MAML3: variants seen among roughly 807,000 people sequenced by gnomAD.
MAML3 encodes mastermind-like protein 3.
A neutral mutation model predicts 101.9 loss-of-function variants in MAML3; 27 were observed. The observed-to-expected ratio is 0.27, with a 90% CI of 0.20 to 0.37. MAML3 has a LOEUF of 0.37. Among genes scored for constraint, MAML3 ranks in the 10% least tolerant of loss-of-function variants. The probability of loss-of-function intolerance (pLI) is 1.00; values close to 1 mark genes in which losing one functional copy is unlikely to be tolerated. For missense variants in MAML3, 1,316 were observed against 1,444.9 expected (o/e 0.91, Z 1.45); for synonymous variants, 501 against 555.9 (o/e 0.90, Z 1.39).
chr4:139,935,657 G>T lies in MAML3; in HGVS notation c.469-44690C>A, dbSNP rs1474977320. On this transcript the variant is annotated intron_variant, in intron 1 of 4. Coordinates refer to ENST00000509479, the MANE Select transcript of MAML3 (RefSeq NM_018717.5). ...AGGGTTTTTTTGTTTTTTTTTTTTG[G>T]TTTGGTTTTTGCTTGTTGTGGGGTT... Among the ~76,000 whole-genome samples the T allele has an allele frequency of 8.9e-5, 13 of 146,040 alleles. No homozygotes were observed. In the East Asian group the frequency reaches 1.8e-3, roughly 20 times the overall value.
rs1359519319 is a variant in MAML3 at position 140,011,240 on chromosome 4, A to ATATG, written c.469-120274_469-120273insCATA. Among the ~76,000 whole-genome samples the ATATG allele has an allele frequency of 2.9e-4, 41 of 143,690 alleles. 1 individual carries two copies. The highest frequency in any genetic ancestry group is 1.0e-3 in the African/African-American group (41 of 40,178). The allele number at this position is 143,690 out of a possible 152,430, so 94.3% of individuals were successfully genotyped here. A position where few individuals can be genotyped will look rare whatever the true frequency, so the allele number is the denominator to read the frequency against. ...TTATATATATAAAGTGTGCATATAT[A>ATATG]TATATATATATATGACAAACAGACC... On this transcript the variant is annotated intron_variant, in intron 1 of 4. Transcript: ENST00000509479.
chr4:139,813,627 T>G (rs1408468413), intron 2 of MAML3, among the ~76,000 whole-genome samples: 1 of 152,138 alleles, frequency 6.6e-6, no homozygotes, highest in Non-Finnish European at 1.5e-5. Context: ...ATGTACCCTT[T>G]CTCAGGCAGT....
At chr4:140,091,787 G>A (rs1165910240) in intron 1 of MAML3, among the ~76,000 whole-genome samples, 1 of 151,898 alleles carries the variant, frequency 6.6e-6, no homozygotes, top group African/African-American at 2.4e-5. Flanking sequence ...CCAGAACAGG[G>A]TTCAAATGGC....
At chr4:139,748,055 A>G (rs1729384062) in intron 2 of MAML3, among the ~76,000 whole-genome samples, 1 of 8,410 alleles carries the variant, frequency 1.2e-4, no homozygotes, top group East Asian at 2.1e-3. Flanking sequence ...ACTTCGTCTA[A>G]AAAAAAAAAA....
chr4:139,735,377 G>C lies in MAML3; in HGVS notation c.2080-4710C>G, dbSNP rs886796578. On this transcript the variant is annotated intron_variant, in intron 2 of 4. Transcript: ENST00000509479. This position sits in a 1 kb window ranked among gnomAD's most constrained non-coding sequence, Gnocchi z 5.8. The stretch of plus-strand genomic sequence containing the variant: ...TACCGACTTTTCTTCCAGCCGGAGG[G>C]GAGGAAGAATTCAAGTGGGGGAGGG... Among the ~76,000 whole-genome samples, 4 of 152,106 alleles carry C rather than the reference G, an allele frequency of 2.6e-5. No homozygotes were observed. The highest frequency in any genetic ancestry group is 9.7e-5 in the African/African-American group (4 of 41,424).
chr4:139,804,902 G>A (rs1302616167), intron 2 of MAML3, among the ~76,000 whole-genome samples: 1 of 152,124 alleles, frequency 6.6e-6, no homozygotes, highest in Non-Finnish European at 1.5e-5. Flanking sequence ...AATGATGCTG[G>A]GCGCGATGGC....
chr4:140,099,089 A>C (rs1046053151), intron 1 of MAML3, among the ~76,000 whole-genome samples: 19 of 152,220 alleles, frequency 1.2e-4, no homozygotes, highest in Non-Finnish European at 2.5e-4. Flanking sequence ...TTATGCACAA[A>C]AAAATAAGGA....
In MAML3 at chr4:140,153,007, G is replaced by A. The variant is rs1393033810; in HGVS notation, c.321C>T (p.Arg107=). 2.3e-5 allele frequency: 37 copies of A among 1,605,670 alleles called. No homozygotes were observed. The highest frequency in any genetic ancestry group is 2.8e-5 in the Non-Finnish European group (33 of 1,176,378). ...GCTGGTAGAGGCTCACGGTGTCCCG[G>A]CGCTCCAGCTCCAGCTGCTCCACCT... is the stretch of plus-strand genomic sequence containing the variant. ...QAQVEQLELE[R]RDTVSLYQRT... The change falls in exon 1 of 5, where the codon CGC becomes CGT. Residue 107 remains arginine, a synonymous_variant. Coordinates refer to ENST00000509479, the MANE Select transcript of MAML3 (RefSeq NM_018717.5).
rs145058091 is a variant in MAML3 at position 139,868,062 on chromosome 4, A to G, written c.2079+21295T>C. The stretch of plus-strand genomic sequence containing the variant: ...TTTTGTACCTAGGGTTGTGTTAGGC[A>G]CTGTGGGAAACAGGGAAACACATCT... On this transcript the variant is annotated intron_variant, in intron 2 of 4. Coordinates refer to ENST00000509479, the MANE Select transcript of MAML3 (RefSeq NM_018717.5). Among the ~76,000 whole-genome samples, 111 of 152,350 alleles carry G rather than the reference A, an allele frequency of 7.3e-4. No individual in the cohort carries two copies. In the East Asian group the frequency reaches 0.015, roughly 20 times the overall value.
At chr4:139,842,675 G>T (rs543253167) in intron 2 of MAML3, among the ~76,000 whole-genome samples, 1 of 143,584 alleles carries the variant, frequency 7.0e-6, no homozygotes, top group Admixed American at 7.2e-5. Flanking sequence ...GTGCCACCAC[G>T]CCCAGCTAAT....
intron 2 of MAML3, among the ~76,000 whole-genome samples, chr4:139,752,780 A>T (rs1305496808): frequency 6.6e-6 from 1 of 152,210 alleles, no homozygotes; most frequent in African/African-American, 2.4e-5. Context: ...AGAAGAAAAA[A>T]AAGCTAGAGG....
chr4:139,773,285 G>A (rs1036018432), intron 2 of MAML3, among the ~76,000 whole-genome samples: 1 of 152,146 alleles, frequency 6.6e-6, no homozygotes, highest in African/African-American at 2.4e-5. Context: ...CAAGCATCCT[G>A]TTATCTAATG....
chr4:139,967,957 T>C (rs2110786152), intron 1 of MAML3, among the ~76,000 whole-genome samples: 1 of 126,532 alleles, frequency 7.9e-6, no homozygotes, highest in East Asian at 2.8e-4. Flanking sequence ...AGTGAGACCC[T>C]GTCTCAAAAA....
intron 2 of MAML3, among the ~76,000 whole-genome samples, chr4:139,870,065 T>C (rs1731975902): frequency 6.6e-6 from 1 of 152,246 alleles, no homozygotes; most frequent in African/African-American, 2.4e-5. Flanking sequence ...ATTAAATGTT[T>C]CATGTCAAGG....
chr4:140,030,819 C>A (rs1397804450), intron 1 of MAML3, among the ~76,000 whole-genome samples: 1 of 152,164 alleles, frequency 6.6e-6, no homozygotes, highest in African/African-American at 2.4e-5. Context: ...CATTCTAAAC[C>A]CCAGGGATGG....
At chr4:140,151,321 C>T (rs1729162937) in intron 1 of MAML3, among the ~76,000 whole-genome samples, 1 of 151,560 alleles carries the variant, frequency 6.6e-6, no homozygotes, top group Admixed American at 6.6e-5. Context: ...CCCCGGAGAA[C>T]TGGGAGGAGG....
intron 1 of MAML3, among the ~76,000 whole-genome samples, chr4:140,016,615 C>A (rs1434311540): frequency 6.6e-6 from 1 of 151,920 alleles, no homozygotes; most frequent in Non-Finnish European, 1.5e-5. Context: ...AATAGAGAAC[C>A]CAGAGATAGA....
chr4:140,003,056 A>G (rs1726356380), intron 1 of MAML3, among the ~76,000 whole-genome samples: 1 of 152,222 alleles, frequency 6.6e-6, no homozygotes, highest in South Asian at 2.1e-4. Context: ...AACTTGGTGG[A>G]TGGTTCAATT....
At chr4:140,008,732 T>C (rs962366871) in intron 1 of MAML3, among the ~76,000 whole-genome samples, 2 of 152,146 alleles carry the variant, frequency 1.3e-5, no homozygotes, top group Non-Finnish European at 2.9e-5. Flanking sequence ...AAAAAAGAGA[T>C]GAATTTTTAT....
Sources: gnomAD v4.1 joint callset for allele counts (sites outside exome capture counted in the v4.1 genomes callset) on GRCh38, gnomAD v4.1.1 for gene constraint, Gnocchi (gnomAD v3.1) non-coding constraint, MANE v1.5 for transcripts, NCBI Gene and HGNC (gene_info 2026-07-23, HGNC 2026-07-21) for gene names.